Variants in ADAMTSL3 observed in about 807,000 individuals in gnomAD.
ADAMTSL3 encodes ADAMTS like 3.
A neutral mutation model predicts 201.7 loss-of-function variants in ADAMTSL3; 128 were observed. The observed-to-expected ratio is 0.63, with a 90% CI of 0.55 to 0.73. The LOEUF (loss-of-function observed/expected upper bound fraction) is 0.73, where lower values mean the gene tolerates loss of function less well. Among genes scored for constraint, ADAMTSL3 ranks in the 30% least tolerant of loss-of-function variants. ADAMTSL3 has a pLI of 0.00. For synonymous variants in ADAMTSL3, 738 were observed against 748.4 expected (o/e 0.99, Z 0.23); for missense variants, 1,990 against 2,119.6 (o/e 0.94, Z 1.20).
At chr15:83,749,037 A>G (rs1320480611) in intron 3 of ADAMTSL3, among the ~76,000 whole-genome samples, 1 of 152,156 alleles carries the variant, frequency 6.6e-6, no homozygotes, top group Admixed American at 6.5e-5. Flanking sequence ...TCAAACTGAA[A>G]TGCAGCCCCA....
intron 5 of ADAMTSL3, among the ~76,000 whole-genome samples, chr15:83,809,045 A>G (rs1459859459): frequency 6.6e-6 from 1 of 152,156 alleles, no homozygotes; most frequent in Non-Finnish European, 1.5e-5. Flanking sequence ...CTAGGAAGGA[A>G]GGATGATTTT....
In ADAMTSL3 at chr15:83,669,444, G is replaced by A. The variant is rs554281977; in HGVS notation, c.69+13614G>A. On this transcript the variant is annotated intron_variant, in intron 2 of 29. Coordinates refer to ENST00000286744, the MANE Select transcript of ADAMTSL3 (RefSeq NM_207517.3). Reference sequence around the variant, plus strand: ...CAGGCGTGAGCCACTGCACCTGGCCGGGAGTGAGGTTTTTTTTTTTTTTTT... The same window carrying A: ...CAGGCGTGAGCCACTGCACCTGGCCAGGAGTGAGGTTTTTTTTTTTTTTTT... 5.9e-4 allele frequency among the ~76,000 whole-genome samples: 85 copies of A among 143,998 alleles called. No individual in the cohort carries two copies. In the South Asian group the frequency reaches 0.018, roughly 31 times the overall value. 94.5% of individuals were successfully genotyped at this position (143,998 alleles called of 152,430 possible).
At chr15:83,749,074 A>C (rs2062597800) in intron 3 of ADAMTSL3, among the ~76,000 whole-genome samples, 1 of 152,196 alleles carries the variant, frequency 6.6e-6, no homozygotes, top group South Asian at 2.1e-4. Context: ...AGCCCACAAG[A>C]AACTCTGGAA....
chr15:83,828,377 G>A (rs2064074610), intron 6 of ADAMTSL3, among the ~76,000 whole-genome samples: 1 of 152,190 alleles, frequency 6.6e-6, no homozygotes, highest in Admixed American at 6.5e-5. Flanking sequence ...CATTGATTTT[G>A]TATCCTGAGA....
chr15:83,985,245 CTT>C (rs2067453406), intron 21 of ADAMTSL3, among the ~76,000 whole-genome samples: 2 of 152,030 alleles, frequency 1.3e-5, no homozygotes, highest in Admixed American at 1.3e-4. Flanking sequence ...AAAAAAAAGT[CTT>C]TAAGTTTTGG....
chr15:83,682,020 A>T (rs573660748), intron 2 of ADAMTSL3, among the ~76,000 whole-genome samples: 1 of 152,192 alleles, frequency 6.6e-6, no homozygotes, highest in African/African-American at 2.4e-5. Flanking sequence ...CAATTTCAGA[A>T]CTATTTTTGA....
At chr15:83,822,125 G>T (rs1164763345) in intron 6 of ADAMTSL3, among the ~76,000 whole-genome samples, 2 of 148,742 alleles carry the variant, frequency 1.3e-5, no homozygotes, top group Non-Finnish European at 3.0e-5. Context: ...CCGGGCGGGG[G>T]GCTGACCCCC....
rs2061461503 is a variant in ADAMTSL3 at position 83,680,373 on chromosome 15, T to A, written c.70-24016T>A. 2.0e-5 allele frequency among the ~76,000 whole-genome samples: 3 copies of A among 152,162 alleles called. No homozygotes were observed. In the South Asian group the frequency reaches 6.2e-4, roughly 32 times the overall value. On this transcript the variant is annotated intron_variant, in intron 2 of 29. Coordinates refer to ENST00000286744, the MANE Select transcript of ADAMTSL3 (RefSeq NM_207517.3). ...TTATGTCCAGGGTGTTTAGTTGTAT[T>A]TGGGTGATGGGCAAGGGGGACATGA...
At chr15:83,736,155 A>G (rs1041094142) in intron 3 of ADAMTSL3, among the ~76,000 whole-genome samples, 2 of 152,200 alleles carry the variant, frequency 1.3e-5, no homozygotes, top group African/African-American at 4.8e-5. Flanking sequence ...ATTCCTCAGC[A>G]GTCCTGGTGG....
At chr15:83,837,177 A>G (rs1481455150) in intron 6 of ADAMTSL3, among the ~76,000 whole-genome samples, 1 of 151,984 alleles carries the variant, frequency 6.6e-6, no homozygotes, top group Non-Finnish European at 1.5e-5. Context: ...TATTTTAAAA[A>G]TTGTTTATAA....
intron 2 of ADAMTSL3, chr15:83,694,412 C>T (rs2061652760): frequency 6.6e-6 from 1 of 151,304 alleles, no homozygotes; most frequent in Admixed American, 6.6e-5. Context: ...GAGACAAACA[C>T]CTCGTTTTTT....
chr15:83,749,186 G>A (rs2062598996), intron 3 of ADAMTSL3, among the ~76,000 whole-genome samples: 1 of 152,222 alleles, frequency 6.6e-6, no homozygotes, highest in Non-Finnish European at 1.5e-5. Flanking sequence ...TGAGAGAAGG[G>A]CTGGATGCTG....
chr15:83,943,443 G>A (rs895202509), intron 19 of ADAMTSL3, among the ~76,000 whole-genome samples: 7 of 152,076 alleles, frequency 4.6e-5, no homozygotes, highest in African/African-American at 1.7e-4. Context: ...ATTAAGCCCC[G>A]TCATTCCAAC....
intron 4 of ADAMTSL3, among the ~76,000 whole-genome samples, chr15:83,774,367 A>T (rs562502267): frequency 5.9e-4 from 90 of 152,362 alleles, no homozygotes; most frequent in African/African-American, 1.8e-3. Context: ...TAGCTTCAAG[A>T]TACAGAGTAG....
Position 83,739,621 on chromosome 15 carries a change from G to C in ADAMTSL3, c.190-33902G>C, listed in dbSNP as rs2062423087. ...AAAAAAAAATCTGAAATCCAAAATA[G>C]TTCTGGTCCCAAGCATTCTGGATAA... On this transcript the variant is annotated intron_variant, in intron 3 of 29. Transcript: ENST00000286744. Among the ~76,000 whole-genome samples the C allele has an allele frequency of 4.0e-5, 6 of 151,668 alleles. No individual in the cohort carries two copies. In the South Asian group the frequency reaches 1.0e-3, roughly 27 times the overall value.
chr15:83,727,393 C>T (rs2062195623), intron 3 of ADAMTSL3, among the ~76,000 whole-genome samples: 1 of 151,356 alleles, frequency 6.6e-6, no homozygotes, highest in Admixed American at 6.6e-5. Context: ...TTTATTTGTG[C>T]TCTGATGTTT....
intron 26 of ADAMTSL3, among the ~76,000 whole-genome samples, chr15:84,024,720 A>C (rs568133348): frequency 6.6e-6 from 1 of 152,204 alleles, no homozygotes; most frequent in Non-Finnish European, 1.5e-5. Flanking sequence ...TAAATCTAGA[A>C]TCCAATCCCA....
intron 6 of ADAMTSL3, among the ~76,000 whole-genome samples, chr15:83,822,250 TGGGCGG>T (rs2063889821): frequency 1.2e-5 from 1 of 83,926 alleles, no homozygotes; most frequent in African/African-American, 4.7e-5. Flanking sequence ...GGGTGGCTGC[TGGGCGG>T]AGGGGCTCCT....
chr15:83,697,479 A>G (rs574141932), intron 2 of ADAMTSL3, among the ~76,000 whole-genome samples: 1 of 152,244 alleles, frequency 6.6e-6, no homozygotes, highest in South Asian at 2.1e-4. Context: ...ATAGGTTATC[A>G]CTTATACTTC....
Sources: gnomAD v4.1 joint callset for allele counts (sites outside exome capture counted in the v4.1 genomes callset) on GRCh38, gnomAD v4.1.1 for gene constraint, MANE v1.5 for transcripts, NCBI Gene and HGNC (gene_info 2026-07-23, HGNC 2026-07-21) for gene names.